The following RRAS2 variants were observed in gnomAD, a reference collection of about 807,000 sequenced individuals.
RRAS2 encodes the protein ras-related protein R-Ras2.
Under a neutral mutation model 27.6 loss-of-function variants are expected in RRAS2, and 7 were observed. That is an observed-to-expected ratio of 0.25 (90% CI 0.14 to 0.48). The LOEUF (loss-of-function observed/expected upper bound fraction) is 0.48. RRAS2 is among the 20% of genes least tolerant of loss of function. The probability of loss-of-function intolerance (pLI) is 0.99; values close to 1 mark genes in which losing one functional copy is unlikely to be tolerated. For synonymous variants in RRAS2, 86 were observed against 90.9 expected (o/e 0.95, Z 0.31); for missense variants, 178 against 256.2 (o/e 0.69, Z 2.08).
At chr11:14,363,020 T>C (rs1849209422), upstream of RRAS2, among the ~76,000 whole-genome samples, 1 of 152,254 alleles carries the variant, frequency 6.6e-6, no homozygotes, top group African/African-American at 2.4e-5. Flanking sequence ...GTGTAAATTT[T>C]GAATTGGTTG....
chr11:14,337,958 A>G (rs782775441), intron 1 of RRAS2, among the ~76,000 whole-genome samples: 40 of 152,306 alleles, frequency 2.6e-4, no homozygotes, highest in Non-Finnish European at 3.7e-4. Flanking sequence ...AAAGGAAAAA[A>G]CATGGTTAGC....
At chr11:14,352,756 TAGAG>T (rs370730897) in intron 1 of RRAS2, among the ~76,000 whole-genome samples, 76 of 128,700 alleles carry the variant, frequency 5.9e-4, no homozygotes, top group African/African-American at 1.3e-3. Context: ...TATATATATA[TAGAG>T]AGAGAGAGAG....
Position 14,281,717 on chromosome 11 carries a change from T to A in RRAS2, c.412A>T (p.Thr138Ser), listed in dbSNP as rs549966258. The A allele has an allele frequency of 3.0e-4, 483 of 1,597,526 alleles. 6 individuals are homozygous for A. In the South Asian group the frequency reaches 5.3e-3, roughly 17 times the overall value. Residue 138 changes from threonine (T) to serine (S), a missense_variant, in exon 5 of 6, where the codon ACA becomes TCA. Transcript: ENST00000256196. ...GCTAACTGTTGTCCTTCTTCCTGTG[T>A]TACCTGAAATTCCAACAGTTATGTT... ...KADLDHQRQV[T>S]QEEGQQLARQ...
At chr11:14,311,806 A>C (rs1383398326) in intron 1 of RRAS2, among the ~76,000 whole-genome samples, 1 of 152,232 alleles carries the variant, frequency 6.6e-6, no homozygotes. Context: ...AAACTACGAA[A>C]GTTACATAAA....
rs1238468482 is a variant in RRAS2, at chr11:14,326,856, C to T, written c.109-31001G>A. 2.3e-4 allele frequency among the ~76,000 whole-genome samples: 4 copies of T among 17,388 alleles called. 2 individuals carry two copies. Among genetic ancestry groups the T allele is most frequent in the African/African-American group, 4.3e-4 (4 of 9,228 alleles). The allele number at this position is 17,388 out of a possible 152,430, so 11.4% of individuals were successfully genotyped here. A position where few individuals can be genotyped will look rare whatever the true frequency, so the allele number is the denominator to read the frequency against. ...CGGGCGGATCACGAGGTCAGGAGAT[C>T]GAGACCATCCCGGCTAAAACGGTGA... On this transcript the variant is annotated intron_variant, in intron 1 of 5. Transcript: ENST00000256196.
At chr11:14,338,721 A>T (rs1190760748) in intron 1 of RRAS2, among the ~76,000 whole-genome samples, 1 of 152,154 alleles carries the variant, frequency 6.6e-6, no homozygotes, top group African/African-American at 2.4e-5. Flanking sequence ...AATTTTTTTT[A>T]AACCACATTA....
chr11:14,338,694 A>C (rs1591482275), intron 1 of RRAS2, among the ~76,000 whole-genome samples: 1 of 152,174 alleles, frequency 6.6e-6, no homozygotes, highest in East Asian at 1.9e-4. Context: ...TCCCGAAGTC[A>C]AATGGCTCCA....
intron 1 of RRAS2, chr11:14,341,679 C>T (rs996954112): frequency 3.2e-6 from 1 of 314,648 alleles, no homozygotes; most frequent in South Asian, 2.9e-5. Flanking sequence ...GTCATGATAC[C>T]TTTAACACCA....
intron 1 of RRAS2, among the ~76,000 whole-genome samples, chr11:14,332,308 AT>A (rs1371695071): frequency 6.6e-6 from 1 of 152,202 alleles, no homozygotes; most frequent in Non-Finnish European, 1.5e-5. Flanking sequence ...ATTGTGGTAT[AT>A]CATACAATGA....
At chr11:14,334,531 TACACACACACAC>T (rs145228825) in intron 1 of RRAS2, among the ~76,000 whole-genome samples, 2 of 143,782 alleles carry the variant, frequency 1.4e-5, no homozygotes, top group East Asian at 2.0e-4. Context: ...CATCCATACA[TACACACACACAC>T]ACACACACAC....
chr11:14,358,019 G>C lies in RRAS2; in HGVS notation c.108+744C>G, dbSNP rs1849118871. On this transcript the variant is annotated intron_variant, in intron 1 of 5. Coordinates refer to ENST00000256196, the MANE Select transcript of RRAS2 (RefSeq NM_012250.6). This position sits in a 1 kb window ranked among gnomAD's most constrained non-coding sequence, Gnocchi z 5.1. ...TAGGGGAGAGGGTGGTTAGAAAACA[G>C]AACGCACGACTCGGTCATATCCTAG... is the stretch of plus-strand genomic sequence containing the variant. 6.6e-6 allele frequency among the ~76,000 whole-genome samples: 1 copy of C among 152,074 alleles called. No homozygotes were observed. The highest frequency in any genetic ancestry group is 2.4e-5 in the African/African-American group (1 of 41,402).
chr11:14,308,501 T>C (rs1278399551), intron 1 of RRAS2, among the ~76,000 whole-genome samples: 1 of 152,226 alleles, frequency 6.6e-6, no homozygotes, highest in East Asian at 1.9e-4. Context: ...TATAATTTTA[T>C]TATGACACGT....
intron 1 of RRAS2, among the ~76,000 whole-genome samples, chr11:14,324,457 TG>T (rs1848302608): frequency 6.6e-6 from 1 of 150,414 alleles, no homozygotes; most frequent in East Asian, 1.9e-4. Context: ...AAAACGTATA[TG>T]AGTGTAAAAG....
At position 14,281,655 on chromosome 11, in the gene RRAS2, T is replaced by C; in HGVS notation, c.474A>G (p.Ala158=). ...QLKVTYMEAS[A]KIRMNVDQAF... ...CTTGATCTACATTCATCCTAATCTT[T>C]GCTGATGCCTCCATGTATGTTACCT... The change falls in exon 5 of 6, where the codon GCA becomes GCG. Residue 158 remains alanine (A), a synonymous_variant. Transcript: ENST00000256196. The C allele has an allele frequency of 1.3e-6, 2 of 1,599,008 alleles. No homozygotes were observed. Among genetic ancestry groups the C allele is most frequent in the Non-Finnish European group, 1.7e-6 (2 of 1,175,428 alleles).
rs530749943 is a variant in RRAS2, at chr11:14,323,083, A to C, written c.109-27228T>G. On this transcript the variant is annotated intron_variant, in intron 1 of 5. Transcript: ENST00000256196. ...AAAAGAGAATACTATGAACAACTTT[A>C]TGCAATAAATATGAAGCACAGACAA... is the stretch of plus-strand genomic sequence containing the variant. Among the ~76,000 whole-genome samples the C allele has an allele frequency of 1.2e-4, 19 of 152,336 alleles. No individual in the cohort carries two copies. The South Asian group carries it at 3.9e-3, about 32-fold the overall frequency.
chr11:14,298,302 TAAAC>T (rs2133966958), intron 1 of RRAS2, among the ~76,000 whole-genome samples: 1 of 152,336 alleles, frequency 6.6e-6, no homozygotes, highest in African/African-American at 2.4e-5. Context: ...TAAAATATAA[TAAAC>T]AAATGTTAAA....
At chr11:14,330,861 T>C (rs1397790729) in intron 1 of RRAS2, among the ~76,000 whole-genome samples, 4 of 152,188 alleles carry the variant, frequency 2.6e-5, no homozygotes, top group East Asian at 1.9e-4. Context: ...ATAGACAAAA[T>C]TGTTTATCAA....
intron 2 of RRAS2, 78 bp from the exon 3 acceptor site, chr11:14,294,940 G>A (rs1847505775): frequency 1.8e-6 from 2 of 1,126,606 alleles, no homozygotes; most frequent in Non-Finnish European, 1.3e-6. Context: ...CAATTAATGT[G>A]AGTCCTCTAG....
intron 1 of RRAS2, among the ~76,000 whole-genome samples, chr11:14,325,853 G>T (rs1184175499): frequency 1.3e-5 from 2 of 152,038 alleles, no homozygotes; most frequent in Non-Finnish European, 2.9e-5. Flanking sequence ...TTCTTCCATT[G>T]TATCTTCTAC....
Sources: allele counts gnomAD v4.1 joint callset (sites outside exome capture counted in the v4.1 genomes callset), GRCh38; gene constraint gnomAD v4.1.1; non-coding constraint Gnocchi (gnomAD v3.1); transcripts MANE v1.5; gene names NCBI Gene and HGNC (gene_info 2026-07-23, HGNC 2026-07-21).